PAX6: variants seen among roughly 807,000 people sequenced by gnomAD.
PAX6 encodes the protein paired box protein Pax-6.
In PAX6, 7 loss-of-function variants were observed where a neutral mutation model predicts 60.7. The ratio of observed to expected loss-of-function variants is 0.12; its 90% CI spans 0.07 to 0.22. The LOEUF (loss-of-function observed/expected upper bound fraction) is 0.22, where lower values mean the gene tolerates loss of function less well. Among genes scored for constraint, PAX6 ranks in the 10% least tolerant of loss-of-function variants. The pLI is 1.00. For synonymous variants in PAX6, 208 were observed against 201.2 expected, an observed-to-expected ratio of 1.03 and a Z score of -0.29; for missense variants, 355 against 555.2, an observed-to-expected ratio of 0.64 and a Z score of 3.62.
At chr11:31,814,865 A>C (rs1957299109), upstream of PAX6, 4 of 153,546 alleles carry the variant, frequency 2.6e-5, no homozygotes, top group South Asian at 8.2e-4. Flanking sequence ...GGCTGTGGCC[A>C]CTGCTCGGCT....
Position 31,793,654 on chromosome 11 carries a change from G to T in PAX6, c.956C>A (p.Pro319Gln). ...GTAGTATTAGTATTTCAAATTACCC[G>T]GTGTGGTGGGTTGTGGAATTGGTTG... ...VYQPIPQPTTPVSSFTSGSML... is the reference protein window; with the variant it reads ...VYQPIPQPTTQVSSFTSGSML... The change falls in exon 11 of 14, where the codon CCG (proline) becomes CAG (glutamine). Residue 319 changes from proline to glutamine, a missense_variant and splice_region_variant. Physicochemically the swap from Pro to Gln is moderately conservative, Grantham distance 76 (BLOSUM62 -1). Transcript: ENST00000640368. 1 of 1,614,122 alleles carries T rather than the reference G, an allele frequency of 6.2e-7. No homozygotes were observed. Among genetic ancestry groups the T allele is most frequent in the Non-Finnish European group, 8.5e-7 (1 of 1,179,990 alleles).
rs931399406 is a variant in PAX6 at position 31,810,855 on chromosome 11, A to T, written c.-156T>A. 4.3e-5 allele frequency: 17 copies of T among 399,044 alleles called. No individual in the cohort carries two copies. Among genetic ancestry groups the T allele is most frequent in the Admixed American group, 8.8e-5 (2 of 22,718 alleles). The allele number at this position is 399,044 out of a possible 1,614,324, so 24.7% of individuals were successfully genotyped here. A position where few individuals can be genotyped will look rare whatever the true frequency, so the allele number is the denominator to read the frequency against. On this transcript the variant is annotated 5_prime_UTR_variant, in exon 2 of 14. Transcript: ENST00000640368. ...TTATGAGGCATCCTTTCTGGTTGTCACAGCTTCTGTCAAGAGTTTTGTTTG... is the reference window on the plus strand; with the variant it reads ...TTATGAGGCATCCTTTCTGGTTGTCTCAGCTTCTGTCAAGAGTTTTGTTTG...
At chr11:31,811,451 C>T (rs1306074653), upstream of PAX6, 1 of 381,672 alleles carries the variant, frequency 2.6e-6, no homozygotes, top group Non-Finnish European at 4.6e-6. Context: ...TATGAATACA[C>T]TTGTTTTCGG....
At chr11:31,814,175 C>T (rs1957263462), upstream of PAX6, 1 of 152,156 alleles carries the variant, frequency 6.6e-6, no homozygotes, top group South Asian at 2.1e-4. Flanking sequence ...CCTCTCAGGC[C>T]GGCGGGTGCG....
At chr11:31,806,307 G>A in intron 4 of PAX6, 95 bp downstream of exon 4, 2 of 1,455,140 alleles carry the variant, frequency 1.4e-6, no homozygotes, top group Non-Finnish European at 1.9e-6. Context: ...TCGGCGGCCG[G>A]GCCAGCGCGG....
intron 1 of PAX6, chr11:31,816,615 C>T (rs1477964349): frequency 2.8e-6 from 2 of 702,510 alleles, no homozygotes; most frequent in African/African-American, 3.5e-5. Context: ...GAGAGGAACC[C>T]GCGGAGGAGA....
chr11:31,816,462 G>A (rs1049031236), intron 1 of PAX6: 12 of 684,220 alleles, frequency 1.8e-5, no homozygotes, highest in Middle Eastern at 2.5e-4. Context: ...TTTTCTCGCC[G>A]TGACAGCCGA....
chr11:31,790,718 GTGGTGCCCGAGGTGCCCATTGGC>G lies in PAX6; in HGVS notation c.1194_1216del (p.Gln398HisfsTer20). 1 of 1,614,068 alleles carries G rather than the reference GTGGTGCCCGAGGTGCCCATTGGC, an allele frequency of 6.2e-7. No individual in the cohort carries two copies. Among genetic ancestry groups the G allele is most frequent in the Non-Finnish European group, 8.5e-7 (1 of 1,180,018 alleles). On this transcript the variant is annotated frameshift_variant, in exon 13 of 14. Coordinates refer to ENST00000640368, the MANE Select transcript of PAX6 (RefSeq NM_001368894.2). LOFTEE classifies it high-confidence loss of function. ...AGAAAGCAGTGGCTCACCTGTTGAA[GTGGTGCCCGAGGTGCCCATTGGC>G]TGACTGTTCATGTGTGTCTGCATAT...
chr11:31,814,604 A>G (rs1002478262), upstream of PAX6: 5 of 152,262 alleles, frequency 3.3e-5, no homozygotes, highest in Non-Finnish European at 7.3e-5. Context: ...GTAGTGCCCC[A>G]AACGTCTCTC....
intron 3 of PAX6, 82 bp from the exon 4 acceptor site, chr11:31,806,544 T>C: frequency 9.4e-7 from 1 of 1,066,816 alleles, no homozygotes; most frequent in Non-Finnish European, 1.4e-6. Flanking sequence ...GACCTGGGGC[T>C]AGGACAGGAG....
intron 3 of PAX6, 125 bp downstream of exon 3, chr11:31,806,724 G>C: frequency 2.4e-6 from 1 of 411,380 alleles, no homozygotes; most frequent in Non-Finnish European, 4.3e-6. Context: ...CCTTTAATCA[G>C]TAGAAGCGAT....
intron 2 of PAX6, chr11:31,809,966 G>C (rs1361303972): frequency 6.6e-6 from 1 of 152,416 alleles, no homozygotes; most frequent in Non-Finnish European, 1.5e-5. Flanking sequence ...AGGGAGATGA[G>C]AGTCGGGGGA....
chr11:31,806,790 A>C (rs896834637), intron 3 of PAX6, 59 bp downstream of exon 3: 23 of 238,292 alleles, frequency 9.7e-5, no homozygotes, highest in African/African-American at 2.2e-5. Context: ...AGCATACTGA[A>C]ATAGTTTGTT....
rs775863667 is a variant in PAX6 at position 31,800,845 on chromosome 11, T to A, written c.411A>T (p.Ile137=). The change falls in exon 8 of 14, where the codon ATA becomes ATT. Residue 137 remains isoleucine, a synonymous_variant. Transcript: ENST00000640368. ...TNDNIPSVSS[I]NRVLRNLASE... ...TAGCCAGGTTGCGAAGAACTCTGTT[T>A]ATTGATGACACCTGCAAATCAAACC... is the stretch of plus-strand genomic sequence containing the variant. 2 of 1,614,170 alleles carry A rather than the reference T, an allele frequency of 1.2e-6. No individual in the cohort carries two copies. Among genetic ancestry groups the A allele is most frequent in the East Asian group, 4.5e-5 (2 of 44,892 alleles).
intron 2 of PAX6, chr11:31,810,349 C>T (rs931614462): frequency 1.3e-5 from 2 of 152,462 alleles, no homozygotes; most frequent in Admixed American, 6.5e-5. Flanking sequence ...TCGGCGAGTC[C>T]TCGGAGCGCC....
At chr11:31,803,557 G>A (rs1049420304) in intron 4 of PAX6, 1 of 152,466 alleles carries the variant, frequency 6.6e-6, no homozygotes, top group Non-Finnish European at 1.5e-5. Flanking sequence ...GTATGTGGCT[G>A]GTGAACCCCA....
intron 9 of PAX6, 26 bp downstream of exon 9, chr11:31,794,604 T>C: frequency 6.8e-6 from 11 of 1,613,644 alleles, no homozygotes; most frequent in Non-Finnish European, 9.3e-6. Flanking sequence ...GATTTACTGC[T>C]TCTCTACTTT....
chr11:31,803,085 A>T, intron 4 of PAX6: 1 of 515,912 alleles, frequency 1.9e-6, no homozygotes, highest in Non-Finnish European at 3.4e-6. Context: ...ACCACCAGCC[A>T]TGCCAGACAT....
intron 1 of PAX6, among the ~76,000 whole-genome samples, chr11:31,816,927 G>A (rs1381597745): frequency 6.6e-6 from 1 of 152,254 alleles, no homozygotes; most frequent in South Asian, 2.1e-4. Flanking sequence ...TTAGGGCCGG[G>A]CTCCCAGGAC....
Sources: allele counts gnomAD v4.1 joint callset (sites outside exome capture counted in the v4.1 genomes callset), GRCh38; gene constraint gnomAD v4.1.1; transcripts MANE v1.5; gene names NCBI Gene and HGNC (gene_info 2026-07-23, HGNC 2026-07-21).